The following ANKIB1 variants were observed in gnomAD, a reference collection of about 807,000 sequenced individuals.
ANKIB1 encodes ankyrin repeat and IBR domain-containing protein 1.
A neutral mutation model predicts 122.1 loss-of-function variants in ANKIB1; 43 were observed. The observed-to-expected ratio is 0.35, with a 90% CI of 0.28 to 0.45. ANKIB1 has a LOEUF of 0.45. Ranked by LOEUF, ANKIB1 falls within the 20% of genes least tolerant of loss-of-function variation. The pLI, the probability that ANKIB1 is intolerant of heterozygous loss-of-function variation, is 1.00. For synonymous variants in ANKIB1, 390 were observed against 442.0 expected (o/e 0.88, Z 1.48); for missense variants, 992 against 1,329.5 (o/e 0.75, Z 3.95).
chr7:92,388,590 G>A (rs1217409417), intron 14 of ANKIB1, among the ~76,000 whole-genome samples: 2 of 152,176 alleles, frequency 1.3e-5, no homozygotes, highest in African/African-American at 4.8e-5. Flanking sequence ...CCAAAATATG[G>A]ATTGAGTATT....
chr7:92,286,856 G>T (rs1802140193), intron 1 of ANKIB1, among the ~76,000 whole-genome samples: 1 of 152,106 alleles, frequency 6.6e-6, no homozygotes, highest in Non-Finnish European at 1.5e-5. Flanking sequence ...ACATCTTCAA[G>T]GGTTTCTTTG....
At chr7:92,364,375 G>A (rs1804025032) in intron 10 of ANKIB1, among the ~76,000 whole-genome samples, 1 of 128,444 alleles carries the variant, frequency 7.8e-6, no homozygotes, top group African/African-American at 2.9e-5. Flanking sequence ...CAGATTCATT[G>A]TACTAGCCAT....
chr7:92,367,427 A>G (rs1275260119), intron 10 of ANKIB1, among the ~76,000 whole-genome samples: 6 of 152,186 alleles, frequency 3.9e-5, no homozygotes, highest in African/African-American at 1.4e-4. Flanking sequence ...TACAAAAATG[A>G]TATTTCAAAA....
chr7:92,350,917 G>A (rs1803650297), intron 7 of ANKIB1, 33 bp from the exon 8 acceptor site: 29 of 1,559,218 alleles, frequency 1.9e-5, no homozygotes, highest in Non-Finnish European at 2.4e-5. Flanking sequence ...TAATATCCTT[G>A]CTCGTTTGAT....
chr7:92,295,288 T>A, intron 2 of ANKIB1, 122 bp downstream of exon 2: 1 of 568,242 alleles, frequency 1.8e-6, no homozygotes, highest in Non-Finnish European at 2.7e-6. Context: ...ATGATATATA[T>A]ACAAACATGT....
At position 92,369,072 on chromosome 7, in the gene ANKIB1, A is replaced by G. The variant is rs991422202; in HGVS notation, c.1487-2405A>G. Reference sequence around the variant, plus strand: ...AAGAAGAAAGGCCACTACTTTTAATAAAAATTAAATGTTTAAATGTGAAGT... The same window carrying G: ...AAGAAGAAAGGCCACTACTTTTAATGAAAATTAAATGTTTAAATGTGAAGT... On this transcript the variant is annotated intron_variant, in intron 10 of 19. Transcript: ENST00000265742. 3.3e-5 allele frequency among the ~76,000 whole-genome samples: 5 copies of G among 152,334 alleles called. No homozygotes were observed. The East Asian group carries it at 9.6e-4, about 29-fold the overall frequency.
chr7:92,389,905 G>GT, intron 14 of ANKIB1, 66 bp from the exon 15 acceptor site: 1 of 1,470,092 alleles, frequency 6.8e-7, no homozygotes, highest in Non-Finnish European at 9.1e-7. Context: ...AAAAATCATT[G>GT]TTTAATTAAT....
chr7:92,372,075 C>T (rs1043679025), intron 11 of ANKIB1, among the ~76,000 whole-genome samples: 2 of 149,714 alleles, frequency 1.3e-5, no homozygotes, highest in African/African-American at 2.5e-5. Flanking sequence ...TTGGAGCGTA[C>T]GGCTTAGACT....
chr7:92,389,153 A>T (rs1294541323), intron 14 of ANKIB1, among the ~76,000 whole-genome samples: 1 of 152,170 alleles, frequency 6.6e-6, no homozygotes, highest in Non-Finnish European at 1.5e-5. Flanking sequence ...ACAAAAAGAT[A>T]CAGCAATTGC....
chr7:92,299,046 A>G (rs939015205), intron 2 of ANKIB1, among the ~76,000 whole-genome samples: 7 of 152,224 alleles, frequency 4.6e-5, no homozygotes, highest in Non-Finnish European at 1.0e-4. Context: ...ATGGTTGTTT[A>G]GACTTGGGTA....
At chr7:92,355,935 T>A (rs564813570) in intron 9 of ANKIB1, among the ~76,000 whole-genome samples, 2 of 151,620 alleles carry the variant, frequency 1.3e-5, no homozygotes, top group East Asian at 3.9e-4. Context: ...CGGTTGAGCA[T>A]TTATTTACTG....
chr7:92,322,903 G>C (rs1316281787), intron 4 of ANKIB1, among the ~76,000 whole-genome samples: 1 of 152,126 alleles, frequency 6.6e-6, no homozygotes, highest in African/African-American at 2.4e-5. Context: ...CTTACTATGT[G>C]ACCTTGAGCA....
chr7:92,390,145 G>A, intron 15 of ANKIB1, 29 bp downstream of exon 15: 2 of 1,487,020 alleles, frequency 1.3e-6, no homozygotes, highest in East Asian at 2.4e-5. Context: ...CATTTAAATG[G>A]CAGCAGTTAT....
chr7:92,277,161 C>T (rs183102583), intron 1 of ANKIB1, among the ~76,000 whole-genome samples: 40 of 152,238 alleles, frequency 2.6e-4, no homozygotes, highest in Middle Eastern at 3.4e-3. Context: ...CATCATGCTT[C>T]CTGTACAGCC....
chr7:92,365,073 T>A (rs548051360), intron 10 of ANKIB1, among the ~76,000 whole-genome samples: 2 of 152,384 alleles, frequency 1.3e-5, no homozygotes, highest in East Asian at 1.9e-4. Context: ...TAATTTTAAA[T>A]GTTATCTTCA....
At chr7:92,346,906 G>T (rs1736478353) in intron 7 of ANKIB1, among the ~76,000 whole-genome samples, 1 of 152,070 alleles carries the variant, frequency 6.6e-6, no homozygotes, top group African/African-American at 2.4e-5. Flanking sequence ...TCTAATTATT[G>T]GTTTCCTTAG....
rs138465089 is a variant in ANKIB1, at chr7:92,313,173, A to G, written c.486+5517A>G. 4.4e-4 allele frequency among the ~76,000 whole-genome samples: 67 copies of G among 152,260 alleles called. No individual in the cohort carries two copies. In the East Asian group the frequency reaches 0.012, roughly 27 times the overall value. ...GATATTTCCTATTCAGCTGTGCCCTACTTGCTTATTCAGAGTTTTAAGTGT... is the reference window on the plus strand; with the variant it reads ...GATATTTCCTATTCAGCTGTGCCCTGCTTGCTTATTCAGAGTTTTAAGTGT... On this transcript the variant is annotated intron_variant, in intron 3 of 19. Transcript: ENST00000265742.
At chr7:92,310,623 A>T in intron 3 of ANKIB1, among the ~76,000 whole-genome samples, 1 of 152,198 alleles carries the variant, frequency 6.6e-6, no homozygotes, top group East Asian at 1.9e-4. Context: ...GACTCTCTGC[A>T]GATACGAAAA....
At chr7:92,373,442 A>G (rs1477599808) in intron 11 of ANKIB1, among the ~76,000 whole-genome samples, 5 of 152,184 alleles carry the variant, frequency 3.3e-5, no homozygotes, top group Non-Finnish European at 7.4e-5. Flanking sequence ...CTGCTAATAT[A>G]AGGTAATCCA....
Sources: allele counts gnomAD v4.1 joint callset (sites outside exome capture counted in the v4.1 genomes callset), GRCh38; gene constraint gnomAD v4.1.1; transcripts MANE v1.5; gene names NCBI Gene and HGNC (gene_info 2026-07-23, HGNC 2026-07-21).